JMJD8: variants seen among roughly 807,000 people sequenced by gnomAD.
JMJD8 encodes the protein jmjC domain-containing protein 8.
Under a neutral mutation model 37.6 loss-of-function variants are expected in JMJD8, and 56 were observed. That is an observed-to-expected ratio of 1.49 (90% CI 1.20 to 1.86). JMJD8 has a LOEUF of 1.86. Ranked by LOEUF, JMJD8 falls within the 40% of genes most tolerant of loss-of-function variation. The probability of loss-of-function intolerance (pLI) is 0.00; values close to 1 mark genes in which losing one functional copy is unlikely to be tolerated. For synonymous variants in JMJD8, 261 were observed against 163.7 expected, an observed-to-expected ratio of 1.59 and a Z score of -4.54; for missense variants, 542 against 362.7, an observed-to-expected ratio of 1.49 and a Z score of -4.01.
Position 682,827 on chromosome 16 carries a change from G to A in JMJD8, c.762C>T (p.Asp254=), listed in dbSNP as rs2039731524. The A allele has an allele frequency of 2.5e-6, 4 of 1,613,038 alleles. No individual in the cohort carries two copies. Among genetic ancestry groups the A allele is most frequent in the Middle Eastern group, 1.6e-4 (1 of 6,062 alleles). Residue 254 remains aspartate, a synonymous_variant, in exon 9 of 9, where the codon GAC becomes GAT. Coordinates refer to ENST00000609261, the MANE Select transcript of JMJD8 (RefSeq NM_001005920.4). ...DRWWHATLNL[D]TSVFISTFLG Reference sequence around the variant, plus strand: ...GGAAGGTGGAGATGAAGACGCTGGTGTCAAGGTTGAGCGTAGCATGCCACC... The same window carrying A: ...GGAAGGTGGAGATGAAGACGCTGGTATCAAGGTTGAGCGTAGCATGCCACC...
chr16:681,895 C>A lies in JMJD8; in HGVS notation c.*899G>T, dbSNP rs1379548022. 1.9e-6 allele frequency: 3 copies of A among 1,612,986 alleles called. No homozygotes were observed. In the African/African-American group the frequency reaches 4.0e-5, roughly 21 times the overall value. ...AGGCCAAGCACGTGAGGGTGCCCCC[C>A]ACCCACATGTGGGTCTGTGTGTGTG... On this transcript the variant is annotated 3_prime_UTR_variant, in exon 9 of 9. Coordinates refer to ENST00000609261, the MANE Select transcript of JMJD8 (RefSeq NM_001005920.4).
chr16:682,084 T>C lies in JMJD8; in HGVS notation c.*710A>G. ...GTGGATGAGAAGAGGAAGGTGAGTG[T>C]GTGTCGCTTGCTGCCGATGGCTGGC... On this transcript the variant is annotated 3_prime_UTR_variant, in exon 9 of 9. Transcript: ENST00000609261. 1 of 1,581,502 alleles carries C rather than the reference T, an allele frequency of 6.3e-7. No homozygotes were observed.
intron 2 of JMJD8, 21 bp from the exon 3 acceptor site, chr16:683,930 G>A: frequency 6.4e-7 from 1 of 1,567,122 alleles, no homozygotes; most frequent in South Asian, 1.2e-5. Context: ...GGGCAGAGTC[G>A]CGGCCAGGCC....
At chr16:683,143 C>T in intron 7 of JMJD8, 24 bp downstream of exon 7, 1 of 1,613,466 alleles carries the variant, frequency 6.2e-7, no homozygotes, top group Non-Finnish European at 8.5e-7. Context: ...GAGTCCCAAG[C>T]CTCAACCCCC....
chr16:683,082 C>G lies in JMJD8; in HGVS notation c.585G>C (p.Trp195Cys). Residue 195 changes from tryptophan to cysteine, a missense_variant, in exon 8 of 9, where the codon TGG becomes TGC. Trp to Cys is a radical substitution (Grantham distance 215). Transcript: ENST00000609261. ...YSEVIYGRKR[W>C]FLYPPEKTPE... ...GCGTCTTCTCAGGTGGGTAAAGGAACCAGCGCTGGGGGCATGAGCAGCAGT... is the reference window on the plus strand; with the variant it reads ...GCGTCTTCTCAGGTGGGTAAAGGAAGCAGCGCTGGGGGCATGAGCAGCAGT... 6.2e-7 allele frequency: 1 copy of G among 1,613,572 alleles called. No homozygotes were observed. Among genetic ancestry groups the G allele is most frequent in the East Asian group, 2.2e-5 (1 of 44,880 alleles).
Position 683,553 on chromosome 16 carries a change from TG to T in JMJD8, c.367del (p.Gln123ArgfsTer66). ...ACCATTGCCCAGGGAGGTGGGGTCC[TG>T]GGGGTGCAGCAGCTGCTCCACATAC... ...QEYVEQLLHP[Q>X]DPTSLGNDTL... On this transcript the variant is annotated frameshift_variant, in exon 5 of 9. Coordinates refer to ENST00000609261, the MANE Select transcript of JMJD8 (RefSeq NM_001005920.4). LOFTEE classifies it high-confidence loss of function. 1 of 1,568,998 alleles carries T rather than the reference TG, an allele frequency of 6.4e-7. No individual in the cohort carries two copies.
chr16:682,713 G>C lies in JMJD8; in HGVS notation c.*81C>G, dbSNP rs556441107. ...GGTGGGCTGGGCTGAGGCCATTGCC[G>C]CCACTATCTGTGTAATAAAATCCGT... is the stretch of plus-strand genomic sequence containing the variant. On this transcript the variant is annotated 3_prime_UTR_variant, in exon 9 of 9. Coordinates refer to ENST00000609261, the MANE Select transcript of JMJD8 (RefSeq NM_001005920.4). 2.0e-6 allele frequency: 3 copies of C among 1,517,438 alleles called. No individual in the cohort carries two copies. The highest frequency in any genetic ancestry group is 2.7e-5 in the African/African-American group (2 of 73,214). The allele number at this position is 1,517,438 out of a possible 1,614,324, so 94.0% of individuals were successfully genotyped here.
At chr16:683,301 C>G (rs755404112) in intron 6 of JMJD8, 21 bp downstream of exon 6, 2 of 1,608,404 alleles carry the variant, frequency 1.2e-6, no homozygotes, top group Admixed American at 1.7e-5. Flanking sequence ...TCAGTCCTTC[C>G]CAGTCCCAAG....
At chr16:683,146 C>T (rs781094445) in intron 7 of JMJD8, 21 bp downstream of exon 7, 2 of 1,613,512 alleles carry the variant, frequency 1.2e-6, no homozygotes, top group South Asian at 1.1e-5. Context: ...TCCCAAGCCT[C>T]AACCCCCACC....
chr16:682,111 G>A lies in JMJD8; in HGVS notation c.*683C>T, dbSNP rs750256493. Reference sequence around the variant, plus strand: ...TGTCGCTTGCTGCCGATGGCTGGCAGGTGCTCGTGCAGTGCCCCTTTTCAG... The same window carrying A: ...TGTCGCTTGCTGCCGATGGCTGGCAAGTGCTCGTGCAGTGCCCCTTTTCAG... On this transcript the variant is annotated 3_prime_UTR_variant, in exon 9 of 9. Coordinates refer to ENST00000609261, the MANE Select transcript of JMJD8 (RefSeq NM_001005920.4). 3.2e-6 allele frequency: 5 copies of A among 1,583,776 alleles called. No individual in the cohort carries two copies. The highest frequency in any genetic ancestry group is 3.5e-6 in the Non-Finnish European group (4 of 1,158,306).
chr16:683,902 A>T lies in JMJD8; in HGVS notation c.184T>A (p.Phe62Ile). 1 of 1,580,240 alleles carries T rather than the reference A, an allele frequency of 6.3e-7. No individual in the cohort carries two copies. The change falls in exon 3 of 9, where the codon TTC becomes ATC. Residue 62 changes from phenylalanine to isoleucine, a missense_variant. Transcript: ENST00000609261. ...TYAEFVQQYA[F>I]VRPVILQGLT... Reference sequence around the variant, plus strand: ...CCCTGCAGGATGACGGGCCTGACGAAGGCGTACCTGGAAAGAAGGGCAGAG... The same window carrying T: ...CCCTGCAGGATGACGGGCCTGACGATGGCGTACCTGGAAAGAAGGGCAGAG...
chr16:683,044 G>A lies in JMJD8; in HGVS notation c.623C>T (p.Pro208Leu). Residue 208 changes from proline to leucine, a missense_variant, in exon 8 of 9, where the codon CCC becomes CTC. By Grantham distance (98) the Pro-to-Leu change is moderately conservative (BLOSUM62 -3). Transcript: ENST00000609261. ...YPPEKTPEFH[P>L]NKTTLAWLRD... Reference sequence around the variant, plus strand: ...GAGCCAGGCCAGCGTGGTCTTGTTGGGGTGGAACTCTGGCGTCTTCTCAGG... The same window carrying A: ...GAGCCAGGCCAGCGTGGTCTTGTTGAGGTGGAACTCTGGCGTCTTCTCAGG... 1 of 1,613,598 alleles carries A rather than the reference G, an allele frequency of 6.2e-7. No individual in the cohort carries two copies. Among genetic ancestry groups the A allele is most frequent in the Non-Finnish European group, 8.5e-7 (1 of 1,179,876 alleles).
Position 682,053 on chromosome 16 carries a change from TC to T in JMJD8, c.*740del. 1.3e-6 allele frequency: 2 copies of T among 1,586,546 alleles called. No homozygotes were observed. The highest frequency in any genetic ancestry group is 1.7e-6 in the Non-Finnish European group (2 of 1,160,592). On this transcript the variant is annotated 3_prime_UTR_variant, in exon 9 of 9. Transcript: ENST00000609261. ...CATGGCGGACATGGACGAGCTTTTT[TC>T]TCAGGTGGATGAGAAGAGGAAGGTG... is the stretch of plus-strand genomic sequence containing the variant.
intron 6 of JMJD8, 38 bp downstream of exon 6, chr16:683,284 A>G: frequency 6.2e-7 from 1 of 1,611,868 alleles, no homozygotes; most frequent in East Asian, 2.2e-5. Context: ...ACTCACCGAC[A>G]GAAGCCTCAG....
rs747315544 is a variant in JMJD8 at position 682,845 on chromosome 16, A to G, written c.744T>C (p.His248=). 2 of 1,613,088 alleles carry G rather than the reference A, an allele frequency of 1.2e-6. No individual in the cohort carries two copies. Among genetic ancestry groups the G allele is most frequent in the Non-Finnish European group, 1.7e-6 (2 of 1,179,866 alleles). ...EVLYFPDRWW[H]ATLNLDTSVF... Reference sequence around the variant, plus strand: ...CGCTGGTGTCAAGGTTGAGCGTAGCATGCCACCAGCGGTCGGGGAAGTACA... The same window carrying G: ...CGCTGGTGTCAAGGTTGAGCGTAGCGTGCCACCAGCGGTCGGGGAAGTACA... Residue 248 remains histidine (H), a synonymous_variant, in exon 9 of 9, where the codon CAT becomes CAC. Coordinates refer to ENST00000609261, the MANE Select transcript of JMJD8 (RefSeq NM_001005920.4).
rs2039788343 is a variant in JMJD8, at chr16:683,569, G to A, written c.352C>T (p.Gln118Ter). The A allele has an allele frequency of 1.3e-6, 2 of 1,575,646 alleles. No individual in the cohort carries two copies. Among genetic ancestry groups the A allele is most frequent in the Non-Finnish European group, 1.7e-6 (2 of 1,160,736 alleles). Residue 118 changes from glutamine to a stop codon, truncating the protein, a stop_gained, in exon 5 of 9, where the codon CAG (glutamine) becomes TAG (stop). Coordinates refer to ENST00000609261, the MANE Select transcript of JMJD8 (RefSeq NM_001005920.4). LOFTEE classifies it high-confidence loss of function. ...GTGGGGTCCTGGGGGTGCAGCAGCTGCTCCACATACTCCTGGAAGGGCAAG... is the reference window on the plus strand; with the variant it reads ...GTGGGGTCCTGGGGGTGCAGCAGCTACTCCACATACTCCTGGAAGGGCAAG... Reference protein sequence around the residue: ...VDLPFQEYVEQLLHPQDPTSL... With the variant: ...VDLPFQEYVE
chr16:682,293 G>A lies in JMJD8; in HGVS notation c.*501C>T, dbSNP rs199936195. ...AGGAGCACCTGCAGGTGAGGCCTGC[G>A]GCTGGGGGAGCAGGGCCAGTGGCAT... is the stretch of plus-strand genomic sequence containing the variant. On this transcript the variant is annotated 3_prime_UTR_variant, in exon 9 of 9. Transcript: ENST00000609261. 6.8e-6 allele frequency: 11 copies of A among 1,612,618 alleles called. No individual in the cohort carries two copies. Among genetic ancestry groups the A allele is most frequent in the South Asian group, 2.2e-5 (2 of 91,068 alleles).
In JMJD8 at chr16:683,753, C is replaced by CT. The variant is rs1332675385; in HGVS notation, c.253dup (p.Arg85LysfsTer47). 1 of 1,609,514 alleles carries CT rather than the reference C, an allele frequency of 6.2e-7. No individual in the cohort carries two copies. The highest frequency in any genetic ancestry group is 8.5e-7 in the Non-Finnish European group (1 of 1,178,558). ...TCTGTCCCCAAACGAAGCCAGCAACCTGTCGCGGGAGCACAGGGCCCGGAA... is the reference window on the plus strand; with the variant it reads ...TCTGTCCCCAAACGAAGCCAGCAACCTTGTCGCGGGAGCACAGGGCCCGGAA... On this transcript the variant is annotated frameshift_variant, in exon 4 of 9. Coordinates refer to ENST00000609261, the MANE Select transcript of JMJD8 (RefSeq NM_001005920.4). LOFTEE classifies it high-confidence loss of function.
chr16:683,615 G>A lies in JMJD8; in HGVS notation c.323-17C>T, dbSNP rs770067571. On this transcript the variant is annotated splice_polypyrimidine_tract_variant and intron_variant, in intron 4 of 8. Transcript: ENST00000609261. ...GCAAGTCCACTGCAGGAAAGAGACGGGTCAGGACCGTCTGGTCCAGCCGCC... is the reference window on the plus strand; with the variant it reads ...GCAAGTCCACTGCAGGAAAGAGACGAGTCAGGACCGTCTGGTCCAGCCGCC... 3.0e-5 allele frequency: 47 copies of A among 1,576,546 alleles called. No individual in the cohort carries two copies. The Admixed American group carries it at 7.4e-4, about 25-fold the overall frequency.
Sources: allele counts gnomAD v4.1 joint callset, GRCh38; gene constraint gnomAD v4.1.1; transcripts MANE v1.5; gene names NCBI Gene and HGNC (gene_info 2026-07-23, HGNC 2026-07-21).